Variants in EFR3B observed in about 807,000 individuals in gnomAD.
EFR3B encodes EFR3 homolog B, also known as protein EFR3 homolog B.
Under a neutral mutation model 104.7 loss-of-function variants are expected in EFR3B, and 64 were observed. The observed-to-expected ratio is 0.61, with a 90% CI of 0.50 to 0.75. EFR3B has a LOEUF of 0.75. Among genes scored for constraint, EFR3B ranks in the 30% least tolerant of loss-of-function variants. EFR3B has a pLI of 0.00. For synonymous variants in EFR3B, 385 were observed against 417.9 expected, an observed-to-expected ratio of 0.92 and a Z score of 0.96; for missense variants, 750 against 1,078.5, an observed-to-expected ratio of 0.70 and a Z score of 4.27.
At chr2:25,148,750 G>A (rs1212740329) in intron 19 of EFR3B, among the ~76,000 whole-genome samples, 1 of 148,862 alleles carries the variant, frequency 6.7e-6, no homozygotes, top group South Asian at 2.1e-4. Context: ...GTGAAACCCC[G>A]TCTCTACTAA....
intron 19 of EFR3B, chr2:25,146,130 G>GTAC (rs887700839): frequency 3.5e-5 from 5 of 144,264 alleles, no homozygotes; most frequent in Non-Finnish European, 7.5e-5. Context: ...TTCACAAGAA[G>GTAC]TACGGAGGAC....
intron 20 of EFR3B, among the ~76,000 whole-genome samples, chr2:25,150,957 C>T (rs1573241257): frequency 1.3e-5 from 2 of 151,878 alleles, no homozygotes; most frequent in African/African-American, 2.4e-5. Context: ...TGGTGGCTCA[C>T]ACCTGTAATC....
At chr2:25,072,250 C>T (rs1439197264) in intron 1 of EFR3B, among the ~76,000 whole-genome samples, 1 of 142,468 alleles carries the variant, frequency 7.0e-6, no homozygotes, top group Non-Finnish European at 1.5e-5. Context: ...TTCTCTTTCC[C>T]CACCACCCTG....
intron 1 of EFR3B, among the ~76,000 whole-genome samples, chr2:25,074,105 G>A (rs1174487499): frequency 1.3e-5 from 2 of 152,196 alleles, no homozygotes; most frequent in Non-Finnish European, 2.9e-5. Context: ...ATATGAGTCA[G>A]CAAATCTTAT....
intron 3 of EFR3B, among the ~76,000 whole-genome samples, chr2:25,101,087 T>C (rs1424386164): frequency 1.3e-5 from 2 of 152,242 alleles, no homozygotes; most frequent in Non-Finnish European, 2.9e-5. Context: ...ATTTAGAGTA[T>C]AAAGAAACTC....
Position 25,145,039 on chromosome 2 carries a change from G to T in EFR3B, c.2130G>T (p.Pro710=), listed in dbSNP as rs373276673. The T allele has an allele frequency of 6.4e-7, 1 of 1,551,724 alleles. No homozygotes were observed. The highest frequency in any genetic ancestry group is 1.2e-5 in the South Asian group (1 of 84,064). ...LQVEVESRNS[P]EKEERVPAEE... ...TGGAGGTAGAATCGAGGAACAGTCC[G>T]GAGAAGGAGGAGGTGAGTGTCCGTG... is the stretch of plus-strand genomic sequence containing the variant. The change falls in exon 19 of 23, where the codon CCG becomes CCT. Residue 710 remains proline, a synonymous_variant. Transcript: ENST00000403714.
chr2:25,153,804 CA>C, intron 22 of EFR3B, 43 bp downstream of exon 22: 4 of 1,545,286 alleles, frequency 2.6e-6, no homozygotes, highest in Non-Finnish European at 3.5e-6. Context: ...CTCCGTGGCC[CA>C]GTATTGGGGT....
intron 4 of EFR3B, among the ~76,000 whole-genome samples, chr2:25,116,522 G>T (rs1358274471): frequency 7.1e-6 from 1 of 141,654 alleles, no homozygotes; most frequent in East Asian, 2.6e-4. Flanking sequence ...TTTTTGGGAG[G>T]CTGAGGCATG....
rs1043250362 is a variant in EFR3B, at chr2:25,154,087, C to T, written c.2349-148C>T. ...CTCCAAGCTGTAGATTCTAGTAGAA[C>T]GTGGAATCCTGGGAACCTGTGGAAT... On this transcript the variant is annotated intron_variant, in intron 22 of 22. Transcript: ENST00000403714. The surrounding 1 kb of genome is among the most constrained non-coding windows in gnomAD (Gnocchi z 4.1). 2.8e-5 allele frequency: 20 copies of T among 707,078 alleles called. No homozygotes were observed. The highest frequency in any genetic ancestry group is 1.4e-4 in the Admixed American group (5 of 35,424). 43.8% of individuals were successfully genotyped at this position (707,078 alleles called of 1,614,324 possible).
rs1394302672 is a variant in EFR3B, at chr2:25,042,347, G to A, written c.7+28G>A. 9 of 1,257,390 alleles carry A rather than the reference G, an allele frequency of 7.2e-6. No individual in the cohort carries two copies. The highest frequency in any genetic ancestry group is 4.7e-5 in the African/African-American group (3 of 64,098). 77.9% of individuals were successfully genotyped at this position (1,257,390 alleles called of 1,614,324 possible). A position where few individuals can be genotyped will look rare whatever the true frequency, so the allele number is the denominator to read the frequency against. ...AAGGAGGGCTCCGCGCCCGGGCCCGGGCCCGCGGGGGCGACTCCGCAAACT... is the reference window on the plus strand; with the variant it reads ...AAGGAGGGCTCCGCGCCCGGGCCCGAGCCCGCGGGGGCGACTCCGCAAACT... On this transcript the variant is annotated intron_variant, in intron 1 of 22. Transcript: ENST00000403714. The surrounding 1 kb of genome is among the most constrained non-coding windows in gnomAD (Gnocchi z 5.4).
intron 17 of EFR3B, among the ~76,000 whole-genome samples, chr2:25,143,397 G>A (rs914783924): frequency 2.0e-5 from 3 of 152,040 alleles, no homozygotes; most frequent in Non-Finnish European, 2.9e-5. Flanking sequence ...GGTGGCTCAC[G>A]CCTGTAATCC....
At chr2:25,053,632 C>T (rs938940169) in intron 1 of EFR3B, among the ~76,000 whole-genome samples, 14 of 152,116 alleles carry the variant, frequency 9.2e-5, no homozygotes, top group African/African-American at 4.8e-5. Context: ...TGGCCAGGCG[C>T]GGTGGCTCAC....
intron 1 of EFR3B, among the ~76,000 whole-genome samples, chr2:25,052,879 A>G (rs1667919817): frequency 6.6e-6 from 1 of 152,194 alleles, no homozygotes; most frequent in Non-Finnish European, 1.5e-5. Flanking sequence ...TGTCTTATAT[A>G]ATCTTCCCCC....
chr2:25,049,477 T>C (rs1172802533), intron 1 of EFR3B, among the ~76,000 whole-genome samples: 1 of 152,210 alleles, frequency 6.6e-6, no homozygotes. Flanking sequence ...AACATTAGAA[T>C]TTAACTGGGC....
chr2:25,082,433 G>A lies in EFR3B; in HGVS notation c.8-8892G>A, dbSNP rs371663527. ...AGTGAGCCTGACCTCAGGAGCTACA[G>A]GTGTTGGCAGCCCTAGAAGATGGGC... On this transcript the variant is annotated intron_variant, in intron 1 of 22. Coordinates refer to ENST00000403714, the MANE Select transcript of EFR3B (RefSeq NM_014971.2). Among the ~76,000 whole-genome samples, 3 of 152,204 alleles carry A rather than the reference G, an allele frequency of 2.0e-5. No homozygotes were observed. In the South Asian group the frequency reaches 6.2e-4, roughly 31 times the overall value.
intron 2 of EFR3B, 93 bp from the exon 3 acceptor site, chr2:25,092,910 A>G (rs1472320176): frequency 6.9e-7 from 1 of 1,456,896 alleles, no homozygotes; most frequent in Non-Finnish European, 9.1e-7. Flanking sequence ...CACTCTGTAA[A>G]TGTTGATTCC....
chr2:25,080,608 A>G (rs1668775882), intron 1 of EFR3B: 1 of 544,364 alleles, frequency 1.8e-6, no homozygotes, highest in East Asian at 3.0e-5. Flanking sequence ...AAGTTTTATT[A>G]TATCTATTGA....
chr2:25,143,978 G>A (rs769638222), intron 18 of EFR3B, 116 bp downstream of exon 18: 62 of 1,374,576 alleles, frequency 4.5e-5, no homozygotes, highest in East Asian at 2.8e-4. Context: ...CTTGGATGTC[G>A]TGAGAGCTGA....
intron 4 of EFR3B, among the ~76,000 whole-genome samples, chr2:25,115,831 G>A (rs943051441): frequency 1.3e-5 from 2 of 152,226 alleles, no homozygotes; most frequent in African/African-American, 4.8e-5. Flanking sequence ...ATTTACTGCT[G>A]TTATTACTTA....
Sources: gnomAD v4.1 joint callset for allele counts (sites outside exome capture counted in the v4.1 genomes callset) on GRCh38, gnomAD v4.1.1 for gene constraint, Gnocchi (gnomAD v3.1) non-coding constraint, MANE v1.5 for transcripts, NCBI Gene and HGNC (gene_info 2026-07-23, HGNC 2026-07-21) for gene names.